Variants in OR1J2 observed in about 807,000 individuals in gnomAD.
OR1J2 encodes the protein olfactory receptor family 1 subfamily J member 2, also known as olfactory receptor 1J2.
For synonymous variants in OR1J2, 142 were observed against 99.7 expected, an observed-to-expected ratio of 1.42 and a Z score of -2.52; for missense variants, 304 against 246.1, an observed-to-expected ratio of 1.24 and a Z score of -1.57.
At chr9:122,557,198 C>G in the OR1J2 span, among the ~76,000 whole-genome samples, 671 of 152,172 alleles carry the variant, frequency 4.4e-3, 5 homozygotes, top group Non-Finnish European at 7.5e-3. Context: ...TTTATTCCTT[C>G]TGAATCTGTA....
the OR1J2 span, among the ~76,000 whole-genome samples, chr9:122,561,051 G>T: frequency 4.0e-5 from 6 of 151,816 alleles, no homozygotes; most frequent in South Asian, 4.2e-4. Flanking sequence ...CTTTAATCTT[G>T]TCTGCCTGCC....
downstream of OR1J2, among the ~76,000 whole-genome samples, chr9:122,513,340 A>G (rs1159525016): frequency 2.0e-5 from 3 of 152,176 alleles, no homozygotes; most frequent in Admixed American, 6.5e-5. Context: ...ATACTTGTGC[A>G]TTTTGAAGGA....
chr9:122,495,403 C>G, the OR1J2 span, among the ~76,000 whole-genome samples: 22 of 152,060 alleles, frequency 1.4e-4, 1 homozygote, highest in South Asian at 4.6e-3. Context: ...TTTTCCTTGT[C>G]TTAGACAGAT....
the OR1J2 span, among the ~76,000 whole-genome samples, chr9:122,472,139 G>C: frequency 0.26 from 39,327 of 151,930 alleles, 5,777 homozygotes; most frequent in African/African-American, 0.39. Context: ...GGATTTTATC[G>C]AGCTCCCTCC....
the OR1J2 span, among the ~76,000 whole-genome samples, chr9:122,485,883 G>A: frequency 6.6e-6 from 1 of 151,914 alleles, no homozygotes. Flanking sequence ...AGAAATAGTT[G>A]AATTGTTAAG....
At chr9:122,543,112 G>A in the OR1J2 span, among the ~76,000 whole-genome samples, 1 of 152,178 alleles carries the variant, frequency 6.6e-6, no homozygotes, top group African/African-American at 2.4e-5. Flanking sequence ...TATGATAACT[G>A]TATGTTCAGT....
chr9:122,453,489 A>G, the OR1J2 span, among the ~76,000 whole-genome samples: 1 of 152,216 alleles, frequency 6.6e-6, no homozygotes, highest in East Asian at 1.9e-4. Context: ...TGTTGCAGCC[A>G]TGAGTACTTG....
chr9:122,529,342 C>A, the OR1J2 span, among the ~76,000 whole-genome samples: 2 of 152,190 alleles, frequency 1.3e-5, no homozygotes, highest in Non-Finnish European at 2.9e-5. Flanking sequence ...GCAGACCCTG[C>A]CTTCAGCAAG....
chr9:122,479,740 A>G, the OR1J2 span, among the ~76,000 whole-genome samples: 1 of 152,214 alleles, frequency 6.6e-6, no homozygotes, highest in East Asian at 1.9e-4. Context: ...ATTTTGGTCT[A>G]TTCTTTTTCA....
At chr9:122,557,765 G>A in the OR1J2 span, among the ~76,000 whole-genome samples, 2 of 151,994 alleles carry the variant, frequency 1.3e-5, no homozygotes, top group Admixed American at 1.3e-4. Flanking sequence ...CCATCTTCTA[G>A]AAGAGATTGC....
chr9:122,492,659 T>G, the OR1J2 span, among the ~76,000 whole-genome samples: 1 of 152,056 alleles, frequency 6.6e-6, no homozygotes, highest in Non-Finnish European at 1.5e-5. Flanking sequence ...TCACCGACAT[T>G]TATTGTTTTT....
chr9:122,567,911 G>C, the OR1J2 span: 1 of 1,614,040 alleles, frequency 6.2e-7, no homozygotes, highest in Non-Finnish European at 8.5e-7. Flanking sequence ...TGGAAGAGCA[G>C]GACAATTTCA....
chr9:122,485,752 G>T, the OR1J2 span, among the ~76,000 whole-genome samples: 1 of 152,284 alleles, frequency 6.6e-6, no homozygotes, highest in African/African-American at 2.4e-5. Context: ...GGCTTTCTCA[G>T]ACAAAGTGAG....
At chr9:122,470,702 C>T in the OR1J2 span, among the ~76,000 whole-genome samples, 1 of 152,192 alleles carries the variant, frequency 6.6e-6, no homozygotes, top group Non-Finnish European at 1.5e-5. Flanking sequence ...CCCATGAATG[C>T]AGCGGGGAGG....
At position 122,510,946 on chromosome 9, in the gene OR1J2, A is replaced by G. The variant is rs1415650223; in HGVS notation, c.145A>G (p.Ile49Val). 6.2e-7 allele frequency: 1 copy of G among 1,612,440 alleles called. No homozygotes were observed. The change falls in exon 1 of 1, where the codon ATC becomes GTC. Residue 49 changes from isoleucine to valine, a missense_variant. Physicochemically the swap from Ile to Val is conservative, Grantham distance 29. Transcript: ENST00000335302. ...VLGNLLIMLL[I>V]QLDSHLHTPM... ...GGGGAACCTGCTCATCATGCTGCTC[A>G]TCCAGCTGGACTCTCACCTTCACAC...
At chr9:122,544,107 T>C in the OR1J2 span, among the ~76,000 whole-genome samples, 2 of 152,306 alleles carry the variant, frequency 1.3e-5, no homozygotes, top group African/African-American at 4.8e-5. Flanking sequence ...ATCAAAACAT[T>C]ACATTGTAGC....
chr9:122,513,095 C>A (rs1437688809), downstream of OR1J2, among the ~76,000 whole-genome samples: 2 of 152,130 alleles, frequency 1.3e-5, no homozygotes, highest in East Asian at 3.8e-4. Context: ...TGGCTCACTT[C>A]ATTTGCCATG....
chr9:122,519,265 A>C, the OR1J2 span: 2 of 1,613,866 alleles, frequency 1.2e-6, no homozygotes, highest in African/African-American at 2.7e-5. Context: ...GTGCTGGGGA[A>C]CCTGCTCATC....
the OR1J2 span, among the ~76,000 whole-genome samples, chr9:122,503,925 A>T: frequency 6.6e-6 from 1 of 152,134 alleles, no homozygotes; most frequent in African/African-American, 2.4e-5. Flanking sequence ...TCCCACAAAC[A>T]TATATGGCCA....
Sources: gnomAD v4.1 joint callset for allele counts (sites outside exome capture counted in the v4.1 genomes callset) on GRCh38, gnomAD v4.1.1 for gene constraint, MANE v1.5 for transcripts, NCBI Gene and HGNC (gene_info 2026-07-23, HGNC 2026-07-21) for gene names.